Variants in SBF1 observed in about 807,000 individuals in gnomAD.
The protein encoded by SBF1 is SET binding factor 1.
Under a neutral mutation model 215.8 loss-of-function variants are expected in SBF1, and 65 were observed. The ratio of observed to expected loss-of-function variants is 0.30; its 90% confidence interval spans 0.25 to 0.37. SBF1 has a LOEUF of 0.37. Among genes scored for constraint, SBF1 ranks in the 10% least tolerant of loss-of-function variants. The pLI, the probability that SBF1 is intolerant of heterozygous loss-of-function variation, is 1.00. For synonymous variants in SBF1, 1,410 were observed against 1,122.8 expected (o/e 1.26, Z -5.11); for missense variants, 2,634 against 2,667.8 (o/e 0.99, Z 0.28).
chr22:50,458,586 TG>T (rs992349728), intron 28 of SBF1, among the ~76,000 whole-genome samples: 1 of 152,180 alleles, frequency 6.6e-6, no homozygotes, highest in Non-Finnish European at 1.5e-5. Context: ...ATGTGGTATC[TG>T]GAAAAACAAA....
At chr22:50,461,098 C>A in intron 23 of SBF1, 61 bp downstream of exon 23, 1 of 1,529,444 alleles carries the variant, frequency 6.5e-7, no homozygotes, top group Non-Finnish European at 8.8e-7. Flanking sequence ...CAAGAAAGAC[C>A]GGTTTGCAGG....
intron 4 of SBF1, 21 bp downstream of exon 4, chr22:50,467,511 C>T (rs767008656): frequency 9.3e-6 from 15 of 1,613,656 alleles, no homozygotes; most frequent in Middle Eastern, 1.6e-4. Flanking sequence ...CGTGCCTCGC[C>T]GCCCCGGCTG....
chr22:50,470,367 G>A (rs867063179), intron 1 of SBF1, among the ~76,000 whole-genome samples: 2 of 152,102 alleles, frequency 1.3e-5, no homozygotes, highest in South Asian at 2.1e-4. Context: ...CATCTACCTT[G>A]ACCCTCTCCA....
chr22:50,446,005 T>A lies in SBF1; in HGVS notation c.*1137A>T, dbSNP rs1363181430. 6.5e-6 allele frequency: 1 copy of A among 153,196 alleles called. No homozygotes were observed. Among genetic ancestry groups the A allele is most frequent in the African/African-American group, 2.4e-5 (1 of 41,454 alleles). 9.5% of individuals were successfully genotyped at this position (153,196 alleles called of 1,614,324 possible). On this transcript the variant is annotated 3_prime_UTR_variant, in exon 41 of 41. Transcript: ENST00000380817. ...CTCTGGCCAGGTCACCAGCTGCCACTCTCAGATGTTCTCTTGGCCTTTGCA... is the reference window on the plus strand; with the variant it reads ...CTCTGGCCAGGTCACCAGCTGCCACACTCAGATGTTCTCTTGGCCTTTGCA...
At chr22:50,471,537 T>C (rs1200907987) in intron 1 of SBF1, among the ~76,000 whole-genome samples, 5 of 152,116 alleles carry the variant, frequency 3.3e-5, no homozygotes, top group East Asian at 1.9e-4. Context: ...CTGCTGCTTG[T>C]GGGGAACCCA....
intron 1 of SBF1, among the ~76,000 whole-genome samples, chr22:50,469,372 G>A (rs1012531390): frequency 2.0e-5 from 3 of 152,352 alleles, no homozygotes; most frequent in Admixed American, 1.3e-4. Flanking sequence ...CCTCCTCTCC[G>A]TGGGGCCCCA....
intron 36 of SBF1, among the ~76,000 whole-genome samples, chr22:50,450,338 T>C (rs557994609): frequency 2.6e-5 from 4 of 152,154 alleles, no homozygotes; most frequent in African/African-American, 9.6e-5. Flanking sequence ...CTGGTAAACA[T>C]GGCAAAACCC....
rs2067508840 is a variant in SBF1, at chr22:50,461,480, T to C, written c.2839+43A>G. The C allele has an allele frequency of 2.6e-6, 4 of 1,547,474 alleles. No individual in the cohort carries two copies. In the African/African-American group the frequency reaches 4.1e-5, roughly 16 times the overall value. ...GGAAAGCCCATCCATCCCAAAGACC[T>C]GGGGGAGAGGGGGCGACAGGGCCAG... On this transcript the variant is annotated intron_variant, in intron 22 of 40. Transcript: ENST00000380817.
Position 50,464,586 on chromosome 22 carries a change from G to C in SBF1, c.1584C>G (p.Pro528=). Residue 528 remains proline, a synonymous_variant, in exon 14 of 41, where the codon CCC becomes CCG. Transcript: ENST00000380817. ...TCCTCCTCTCGGCCTTCACAGCTGG[G>C]GGTGCACCCTGCATCTTGGCTGCAG... ...DQAAAKMQGA[P]PAVKAERRTT... The C allele has an allele frequency of 6.2e-7, 1 of 1,612,178 alleles. No homozygotes were observed. Among genetic ancestry groups the C allele is most frequent in the Non-Finnish European group, 8.5e-7 (1 of 1,179,780 alleles).
At chr22:50,465,413 C>G (rs1800439859) in intron 10 of SBF1, 85 bp from the exon 11 acceptor site, 1 of 1,176,460 alleles carries the variant, frequency 8.5e-7, no homozygotes, top group African/African-American at 1.5e-5. Flanking sequence ...CACCCCAACC[C>G]ACCCCAAGCT....
intron 5 of SBF1, chr22:50,467,026 G>A (rs780883172): frequency 5.3e-6 from 3 of 567,774 alleles, no homozygotes; most frequent in Non-Finnish European, 9.4e-6. Context: ...CGGGCAGAAA[G>A]ACACGGTTAG....
intron 1 of SBF1, among the ~76,000 whole-genome samples, chr22:50,469,020 G>A (rs1408203663): frequency 6.6e-6 from 1 of 152,196 alleles, no homozygotes; most frequent in Non-Finnish European, 1.5e-5. Context: ...AGACAGACAA[G>A]TCCCCAGTAC....
rs2066922946 is a variant in SBF1, at chr22:50,448,526, CACTGGCCCTCACTCACACGGCCGTCTG to C, written c.5141_5151+16del. 1 of 1,611,082 alleles carries C rather than the reference CACTGGCCCTCACTCACACGGCCGTCTG, an allele frequency of 6.2e-7. No homozygotes were observed. Among genetic ancestry groups the C allele is most frequent in the Non-Finnish European group, 8.5e-7 (1 of 1,178,564 alleles). On this transcript the variant is annotated splice_donor_variant and splice_donor_5th_base_variant and coding_sequence_variant and intron_variant, in exon 37 of 41. Transcript: ENST00000380817. LOFTEE classifies it high-confidence loss of function. ...GCAACACGCCCACCGTGGACGCTCA[CACTGGCCCTCACTCACACGGCCGTCTG>C]GCCGGCCCTCGAGGCGCTGTGCAGC...
In SBF1 at chr22:50,464,426, C is replaced by T. The variant is rs780343478; in HGVS notation, c.1652G>A (p.Arg551Gln). The T allele has an allele frequency of 4.8e-5, 78 of 1,613,658 alleles. No homozygotes were observed. Among genetic ancestry groups the T allele is most frequent in the Non-Finnish European group, 6.4e-5 (75 of 1,179,810 alleles). Residue 551 changes from arginine (R) to glutamine (Q), a missense_variant, in exon 15 of 41, where the codon CGG becomes CAG. Arg to Gln is a conservative substitution (Grantham distance 43). Transcript: ENST00000380817. ...SGPPMTAILE[R>Q]CSGLHVNSAR... ...GCTGTTGACATGCAGCCCACTGCAC[C>T]GCTCCAGTATGGCAGCTGCGGGGAC...
chr22:50,449,153 CAA>C (rs1157080129), intron 36 of SBF1, among the ~76,000 whole-genome samples: 1 of 150,088 alleles, frequency 6.7e-6, no homozygotes, highest in Admixed American at 6.6e-5. Context: ...GCATGGGCAA[CAA>C]GAGCAAAACT....
At chr22:50,448,508 GCCC>G in intron 37 of SBF1, 32 bp downstream of exon 37, 1 of 1,607,470 alleles carries the variant, frequency 6.2e-7, no homozygotes, top group South Asian at 1.1e-5. Context: ...CCAGCAACAC[GCCC>G]ACCGTGGACG....
At chr22:50,466,772 G>A in intron 5 of SBF1, 62 bp from the exon 6 acceptor site, 2 of 1,201,506 alleles carry the variant, frequency 1.7e-6, no homozygotes, top group South Asian at 1.5e-5. Flanking sequence ...AGTCAGCCCA[G>A]AGCTCTGTGT....
At position 50,447,302 on chromosome 22, in the gene SBF1, A is replaced by G. The variant is rs1033066351; in HGVS notation, c.5583+20T>C. The stretch of plus-strand genomic sequence containing the variant: ...CACCGCAGAGCCCCTCCCCTCTCCC[A>G]AGCCCCGGCCAAGGCTCACGTCAAA... On this transcript the variant is annotated intron_variant, in intron 40 of 40. Transcript: ENST00000380817. 6.2e-7 allele frequency: 1 copy of G among 1,613,332 alleles called. No homozygotes were observed. Among genetic ancestry groups the G allele is most frequent in the Admixed American group, 1.7e-5 (1 of 59,964 alleles).
intron 36 of SBF1, among the ~76,000 whole-genome samples, chr22:50,452,582 G>T (rs998496500): frequency 2.6e-5 from 4 of 151,912 alleles, no homozygotes; most frequent in Non-Finnish European, 4.4e-5. Context: ...ATTTAGCCGG[G>T]CATGATGGTG....
Sources: gnomAD v4.1 joint callset for allele counts (sites outside exome capture counted in the v4.1 genomes callset) on GRCh38, gnomAD v4.1.1 for gene constraint, MANE v1.5 for transcripts, NCBI Gene and HGNC (gene_info 2026-07-23, HGNC 2026-07-21) for gene names.